Variants in PPARGC1A observed in about 807,000 individuals in gnomAD.
PPARGC1A encodes the protein PPARG coactivator 1 alpha, also known as peroxisome proliferator-activated receptor gamma coactivator 1-alpha.
A neutral mutation model predicts 88.7 loss-of-function variants in PPARGC1A; 25 were observed. The ratio of observed to expected loss-of-function variants is 0.28; its 90% CI spans 0.21 to 0.39. PPARGC1A has a LOEUF of 0.39. Among genes scored for constraint, PPARGC1A ranks in the 10% least tolerant of loss-of-function variants. PPARGC1A has a pLI of 1.00. For synonymous variants in PPARGC1A, 363 were observed against 355.6 expected, an observed-to-expected ratio of 1.02 and a Z score of -0.24; for missense variants, 880 against 968.7, an observed-to-expected ratio of 0.91 and a Z score of 1.22.
the PPARGC1A span, among the ~76,000 whole-genome samples, chr4:24,059,720 T>C: frequency 3.3e-5 from 5 of 152,174 alleles, no homozygotes; most frequent in African/African-American, 4.8e-5. Context: ...CCAACCACAT[T>C]CGCAATTCTG....
the PPARGC1A span, among the ~76,000 whole-genome samples, chr4:24,026,999 G>A: frequency 2.6e-5 from 4 of 151,876 alleles, no homozygotes; most frequent in Non-Finnish European, 4.4e-5. Context: ...ATTTTCTAAC[G>A]GGTCAGTAAT....
At chr4:24,443,316 AG>A in the PPARGC1A span, among the ~76,000 whole-genome samples, 1 of 151,430 alleles carries the variant, frequency 6.6e-6, no homozygotes, top group African/African-American at 2.4e-5. Context: ...TAGGGAAGGA[AG>A]GTCCAGTCCA....
the PPARGC1A span, among the ~76,000 whole-genome samples, chr4:24,330,972 G>A: frequency 6.6e-6 from 1 of 152,062 alleles, no homozygotes. Flanking sequence ...TCCCCTCTCT[G>A]AATCCTCTAC....
the PPARGC1A span, among the ~76,000 whole-genome samples, chr4:24,224,806 G>T: frequency 6.6e-6 from 1 of 152,178 alleles, no homozygotes; most frequent in African/African-American, 2.4e-5. Flanking sequence ...GTATTTGGGG[G>T]TAAGAGAGAA....
At chr4:24,120,500 C>T in the PPARGC1A span, among the ~76,000 whole-genome samples, 1 of 152,104 alleles carries the variant, frequency 6.6e-6, no homozygotes, top group Non-Finnish European at 1.5e-5. Context: ...AACATTGTTC[C>T]CATTTTCCCA....
the PPARGC1A span, among the ~76,000 whole-genome samples, chr4:23,993,336 T>C: frequency 6.6e-6 from 1 of 152,098 alleles, no homozygotes; most frequent in South Asian, 2.1e-4. Flanking sequence ...CCCTGTAATG[T>C]ATAGAGAAGA....
chr4:24,421,727 T>C, the PPARGC1A span, among the ~76,000 whole-genome samples: 1 of 152,222 alleles, frequency 6.6e-6, no homozygotes, highest in African/African-American at 2.4e-5. Flanking sequence ...CCTGTCAGCA[T>C]TCTTTCAAGA....
chr4:23,891,595 G>T (rs1018448374), upstream of PPARGC1A, among the ~76,000 whole-genome samples: 1 of 152,204 alleles, frequency 6.6e-6, no homozygotes, highest in Non-Finnish European at 1.5e-5. Flanking sequence ...TAAGAGATTT[G>T]TGTGCTGTGA....
chr4:24,194,634 A>ACGCG, the PPARGC1A span, among the ~76,000 whole-genome samples: 13 of 17,128 alleles, frequency 7.6e-4, no homozygotes, highest in African/African-American at 1.6e-3. Flanking sequence ...GCGCGCGCAC[A>ACGCG]CACACACACA....
chr4:23,976,077 G>A, the PPARGC1A span, among the ~76,000 whole-genome samples: 8,625 of 152,190 alleles, frequency 0.057, 309 homozygotes, highest in East Asian at 0.15. Flanking sequence ...TGAAATTCTC[G>A]CCATACAAGT....
chr4:24,320,545 T>C, the PPARGC1A span, among the ~76,000 whole-genome samples: 1 of 152,226 alleles, frequency 6.6e-6, no homozygotes, highest in African/African-American at 2.4e-5. Context: ...TGACATTTCC[T>C]AAATATGTTT....
chr4:24,348,908 G>C, the PPARGC1A span, among the ~76,000 whole-genome samples: 1 of 152,120 alleles, frequency 6.6e-6, no homozygotes, highest in Non-Finnish European at 1.5e-5. Context: ...TGGTTTTCTG[G>C]TTCCTTGTCA....
chr4:23,812,943 G>A, intron 9 of PPARGC1A, 76 bp from the exon 10 acceptor site: 1 of 1,612,258 alleles, frequency 6.2e-7, no homozygotes, highest in Non-Finnish European at 8.5e-7. Flanking sequence ...ATGGGGAGGG[G>A]TATAGGGTTT....
the PPARGC1A span, among the ~76,000 whole-genome samples, chr4:24,315,033 A>G: frequency 5.3e-5 from 8 of 152,014 alleles, no homozygotes; most frequent in Non-Finnish European, 8.8e-5. Context: ...AAAAAAAAAA[A>G]AAAAAGAAAT....
At chr4:24,289,628 A>G in the PPARGC1A span, among the ~76,000 whole-genome samples, 2 of 152,176 alleles carry the variant, frequency 1.3e-5, no homozygotes, top group Admixed American at 6.5e-5. Context: ...TGATTCCTCA[A>G]TATGAGGAGG....
chr4:24,196,589 T>C, the PPARGC1A span, among the ~76,000 whole-genome samples: 3 of 152,206 alleles, frequency 2.0e-5, no homozygotes, highest in Non-Finnish European at 2.9e-5. Flanking sequence ...GTAGCCAGGC[T>C]GTCCCTGGAA....
intron 2 of PPARGC1A, among the ~76,000 whole-genome samples, chr4:23,834,257 G>A (rs1029454404): frequency 4.6e-5 from 7 of 152,158 alleles, no homozygotes; most frequent in Non-Finnish European, 1.0e-4. Context: ...TCAAGATCTT[G>A]CCACTGCACT....
At chr4:24,125,446 C>T in the PPARGC1A span, among the ~76,000 whole-genome samples, 3 of 152,130 alleles carry the variant, frequency 2.0e-5, no homozygotes, top group Admixed American at 6.5e-5. Flanking sequence ...CACCCCAAAG[C>T]TGCTGCTGTT....
chr4:24,027,346 C>T, the PPARGC1A span, among the ~76,000 whole-genome samples: 1 of 152,206 alleles, frequency 6.6e-6, no homozygotes, highest in South Asian at 2.1e-4. Context: ...TCAGTTCTTA[C>T]TACCCAAGTC....
Sources: allele counts gnomAD v4.1 joint callset (sites outside exome capture counted in the v4.1 genomes callset), GRCh38; gene constraint gnomAD v4.1.1; transcripts MANE v1.5; gene names NCBI Gene and HGNC (gene_info 2026-07-23, HGNC 2026-07-21).